The following PRMT8 variants were observed in gnomAD, a reference collection of about 807,000 sequenced individuals.
PRMT8 encodes protein arginine N-methyltransferase 8.
A neutral mutation model predicts 47.1 loss-of-function variants in PRMT8; 7 were observed. The observed-to-expected ratio is 0.15, with a 90% CI of 0.08 to 0.28. The LOEUF is 0.28. Ranked by LOEUF, PRMT8 falls within the 10% of genes least tolerant of loss-of-function variation. PRMT8 has a pLI of 1.00. For synonymous variants in PRMT8, 188 were observed against 186.5 expected (o/e 1.01, Z -0.07); for missense variants, 237 against 505.4 (o/e 0.47, Z 5.09).
At chr12:3,449,635 C>T (rs2137079250) in intron 1 of PRMT8, among the ~76,000 whole-genome samples, 1 of 152,092 alleles carries the variant, frequency 6.6e-6, no homozygotes, top group East Asian at 1.9e-4. Flanking sequence ...GGATATTAGA[C>T]CTTGTCAGAT....
chr12:3,404,168 A>G (rs1328162834), intron 1 of PRMT8, among the ~76,000 whole-genome samples: 4 of 152,004 alleles, frequency 2.6e-5, no homozygotes, highest in Non-Finnish European at 5.9e-5. Flanking sequence ...CCCATTGATA[A>G]TTATTTTTCT....
At chr12:3,587,991 G>A (rs573244622) in intron 8 of PRMT8, among the ~76,000 whole-genome samples, 13 of 152,324 alleles carry the variant, frequency 8.5e-5, no homozygotes, top group East Asian at 1.9e-4. Flanking sequence ...TCAGTGGGGT[G>A]GGGGTAGAAG....
intron 2 of PRMT8, among the ~76,000 whole-genome samples, chr12:3,546,909 CAAA>C (rs1053173476): frequency 4.6e-5 from 7 of 151,944 alleles, no homozygotes; most frequent in Non-Finnish European, 8.8e-5. Flanking sequence ...AAAATATTAG[CAAA>C]AAACACCCAG....
intron 1 of PRMT8, among the ~76,000 whole-genome samples, chr12:3,427,003 A>G (rs1050550280): frequency 6.6e-6 from 1 of 152,092 alleles, no homozygotes; most frequent in African/African-American, 2.4e-5. Context: ...CAAGTATATA[A>G]TTTTTAAGAA....
Position 3,491,831 on chromosome 12 carries a change from C to CGT in PRMT8, c.75+131_75+132insGT, listed in dbSNP as rs1565421544. The CGT allele has an allele frequency of 8.0e-5, 59 of 738,932 alleles. 4 individuals are homozygous for CGT. The East Asian group carries it at 1.3e-3, about 16-fold the overall frequency. The allele number at this position is 738,932 out of a possible 1,614,324, so 45.8% of individuals were successfully genotyped here. Reference sequence around the variant, plus strand: ...TCCCGCTCGCTTCTGCCGGCCTCCTCCTGTGTGTGTGTGTGTGTGTGTGTG... The same window carrying CGT: ...TCCCGCTCGCTTCTGCCGGCCTCCTCGTCTGTGTGTGTGTGTGTGTGTGTGTG... On this transcript the variant is annotated intron_variant, in intron 1 of 9. Transcript: ENST00000382622.
intron 1 of PRMT8, among the ~76,000 whole-genome samples, chr12:3,507,566 A>G (rs1460095677): frequency 1.3e-5 from 2 of 152,156 alleles, no homozygotes; most frequent in Admixed American, 6.5e-5. Flanking sequence ...GATTCCACAA[A>G]TGATTATAGC....
chr12:3,459,778 C>T (rs1306778468), intron 1 of PRMT8, among the ~76,000 whole-genome samples: 1 of 152,024 alleles, frequency 6.6e-6, no homozygotes, highest in African/African-American at 2.4e-5. Context: ...CCCTGTCTTC[C>T]AAGGTGGGAG....
At chr12:3,480,371 G>T (rs1865261030) in intron 1 of PRMT8, among the ~76,000 whole-genome samples, 1 of 152,168 alleles carries the variant, frequency 6.6e-6, no homozygotes, top group African/African-American at 2.4e-5. Context: ...AAGAACTGGG[G>T]ACAGTATCTG....
intron 1 of PRMT8, among the ~76,000 whole-genome samples, chr12:3,469,711 G>C (rs1865139041): frequency 6.6e-6 from 1 of 152,202 alleles, no homozygotes. Flanking sequence ...TATGATAGGT[G>C]AATGATATCT....
At position 3,580,943 on chromosome 12, in the gene PRMT8, G is replaced by A. The variant is rs372792023; in HGVS notation, c.829-2115G>A. Among the ~76,000 whole-genome samples, 36 of 152,170 alleles carry A rather than the reference G, an allele frequency of 2.4e-4. No individual in the cohort carries two copies. The highest frequency in any genetic ancestry group is 8.7e-4 in the African/African-American group (36 of 41,438). The stretch of plus-strand genomic sequence containing the variant: ...GGCTGGGAGGGATAATGAGCATTAT[G>A]AAGGCTGACATATACTCAGTCTAAA... On this transcript the variant is annotated intron_variant, in intron 7 of 9. Coordinates refer to ENST00000382622, the MANE Select transcript of PRMT8 (RefSeq NM_019854.5). The surrounding 1 kb of genome is among the most constrained non-coding windows in gnomAD (Gnocchi z 4.6).
intron 1 of PRMT8, among the ~76,000 whole-genome samples, chr12:3,447,241 C>G (rs542212690): frequency 6.6e-6 from 1 of 152,318 alleles, no homozygotes; most frequent in East Asian, 1.9e-4. Context: ...TATCTGTGCA[C>G]CGAAGTTATG....
intron 1 of PRMT8, among the ~76,000 whole-genome samples, chr12:3,442,893 G>C (rs1167300066): frequency 1.3e-5 from 2 of 152,090 alleles, no homozygotes; most frequent in African/African-American, 4.8e-5. Context: ...TCCTGACCTG[G>C]TGATCCACCC....
chr12:3,571,097 C>T (rs959259030), intron 6 of PRMT8, among the ~76,000 whole-genome samples: 2 of 152,186 alleles, frequency 1.3e-5, no homozygotes, highest in South Asian at 2.1e-4. Flanking sequence ...TATTAAAGGA[C>T]GTGACAGTTC....
intron 1 of PRMT8, among the ~76,000 whole-genome samples, chr12:3,386,669 G>T (rs1243519487): frequency 6.6e-6 from 1 of 151,598 alleles, no homozygotes; most frequent in Non-Finnish European, 1.5e-5. Flanking sequence ...AAGCCACACA[G>T]TGTTCATCAA....
chr12:3,399,733 A>G (rs951700343), intron 1 of PRMT8, among the ~76,000 whole-genome samples: 6 of 152,126 alleles, frequency 3.9e-5, no homozygotes, highest in African/African-American at 1.4e-4. Flanking sequence ...TCTACATGCA[A>G]TTTTTATACT....
chr12:3,499,173 A>AT (rs1312010367), intron 1 of PRMT8, among the ~76,000 whole-genome samples: 19 of 129,348 alleles, frequency 1.5e-4, no homozygotes, highest in African/African-American at 4.5e-4. Flanking sequence ...TTATTTATTT[A>AT]TTTATTTTTT....
At chr12:3,433,080 A>T (rs1227703134) in intron 1 of PRMT8, among the ~76,000 whole-genome samples, 1 of 152,168 alleles carries the variant, frequency 6.6e-6, no homozygotes, top group African/African-American at 2.4e-5. Flanking sequence ...CAGTCTTCAG[A>T]GATCCCACTC....
At position 3,547,504 on chromosome 12, in the gene PRMT8, A is replaced by G. The variant is rs79562322; in HGVS notation, c.262-2432A>G. On this transcript the variant is annotated intron_variant, in intron 2 of 9. Transcript: ENST00000382622. ...ATAAAATAGTTGAATGGGGCCAGGC[A>G]TGGTGGCTCACATCTGTAACCGCAG... Among the ~76,000 whole-genome samples the G allele has an allele frequency of 9.0e-3, 1,365 of 152,276 alleles. 8 individuals are homozygous for G. The highest frequency in any genetic ancestry group is 0.014 in the Non-Finnish European group (940 of 68,036).
At chr12:3,446,797 T>C (rs1397789192) in intron 1 of PRMT8, among the ~76,000 whole-genome samples, 2 of 152,238 alleles carry the variant, frequency 1.3e-5, no homozygotes, top group Non-Finnish European at 2.9e-5. Context: ...TTGCCTCTCC[T>C]CTTTTATTTG....
Sources: allele counts gnomAD v4.1 joint callset (sites outside exome capture counted in the v4.1 genomes callset), GRCh38; gene constraint gnomAD v4.1.1; non-coding constraint Gnocchi (gnomAD v3.1); transcripts MANE v1.5; gene names NCBI Gene and HGNC (gene_info 2026-07-23, HGNC 2026-07-21).